Variants in AGBL4 observed in about 807,000 individuals in gnomAD.
The protein encoded by AGBL4 is cytosolic carboxypeptidase 6.
Under a neutral mutation model 66.4 loss-of-function variants are expected in AGBL4, and 58 were observed. That is an observed-to-expected ratio of 0.87 (90% CI 0.71 to 1.09). The LOEUF (loss-of-function observed/expected upper bound fraction) is 1.09. Among genes scored for constraint, AGBL4 ranks in the 50% least tolerant of loss-of-function variants. The pLI is 0.00. For missense variants in AGBL4, 579 were observed against 631.0 expected (o/e 0.92, Z 0.88); for synonymous variants, 234 against 222.9 (o/e 1.05, Z -0.44).
intron 6 of AGBL4, among the ~76,000 whole-genome samples, chr1:48,824,148 C>A (rs2148774165): frequency 6.6e-6 from 1 of 152,258 alleles, no homozygotes; most frequent in South Asian, 2.1e-4. Flanking sequence ...CTAATATATG[C>A]CACTGGGAAT....
intron 4 of AGBL4, among the ~76,000 whole-genome samples, chr1:49,196,175 T>G (rs1647245369): frequency 6.6e-6 from 1 of 152,322 alleles, no homozygotes; most frequent in East Asian, 1.9e-4. Context: ...TACAGTAAGT[T>G]TGGTCACTTT....
chr1:49,155,219 A>T (rs1436579445), intron 4 of AGBL4, among the ~76,000 whole-genome samples: 1 of 152,170 alleles, frequency 6.6e-6, no homozygotes, highest in Non-Finnish European at 1.5e-5. Flanking sequence ...TTACCTTTTT[A>T]CAGATTAAGG....
intron 3 of AGBL4, among the ~76,000 whole-genome samples, chr1:49,583,353 A>C (rs1644583083): frequency 6.6e-6 from 1 of 152,234 alleles, no homozygotes; most frequent in Non-Finnish European, 1.5e-5. Flanking sequence ...GTACATCTTC[A>C]TCTGGCTTTT....
intron 3 of AGBL4, among the ~76,000 whole-genome samples, chr1:49,330,837 G>C (rs1007335407): frequency 1.3e-5 from 2 of 152,122 alleles, no homozygotes; most frequent in African/African-American, 4.8e-5. Flanking sequence ...TTAAAGGGGC[G>C]AGTAAATTCA....
At chr1:49,899,865 A>C (rs1401677744) in intron 1 of AGBL4, among the ~76,000 whole-genome samples, 1 of 152,046 alleles carries the variant, frequency 6.6e-6, no homozygotes, top group South Asian at 2.1e-4. Context: ...ACATGGTGAA[A>C]CCCCATCTCT....
chr1:48,767,996 A>T (rs1359411763), intron 6 of AGBL4, among the ~76,000 whole-genome samples: 2 of 152,184 alleles, frequency 1.3e-5, no homozygotes, highest in African/African-American at 4.8e-5. Context: ...AATGCTACTG[A>T]AGCAGAAACT....
At chr1:49,771,762 C>A (rs1012695995) in intron 2 of AGBL4, among the ~76,000 whole-genome samples, 1 of 151,886 alleles carries the variant, frequency 6.6e-6, no homozygotes, top group African/African-American at 2.4e-5. Flanking sequence ...TCTCTCTTTA[C>A]AATTTTTGAT....
chr1:48,602,261 A>T (rs1191355699), intron 9 of AGBL4, among the ~76,000 whole-genome samples: 1 of 152,146 alleles, frequency 6.6e-6, no homozygotes, highest in African/African-American at 2.4e-5. Flanking sequence ...CTAAGCTGCT[A>T]CGTGACCCTG....
At chr1:49,611,482 T>A (rs2124233609) in intron 3 of AGBL4, among the ~76,000 whole-genome samples, 1 of 151,654 alleles carries the variant, frequency 6.6e-6, no homozygotes, top group African/African-American at 2.4e-5. Flanking sequence ...TTCAAGCCAT[T>A]CTCCTGCCTC....
intron 4 of AGBL4, among the ~76,000 whole-genome samples, chr1:49,222,463 T>C (rs189197563): frequency 1.3e-5 from 2 of 152,338 alleles, no homozygotes; most frequent in Admixed American, 1.3e-4. Flanking sequence ...GTTCTGCATA[T>C]AAAATTTACT....
chr1:49,272,983 C>T (rs993511164), intron 3 of AGBL4, among the ~76,000 whole-genome samples: 1 of 152,122 alleles, frequency 6.6e-6, no homozygotes. Context: ...ACTGTCTCTA[C>T]TAGATGTTTT....
In AGBL4 at chr1:49,697,376, G is replaced by A. The variant is rs1451081383; in HGVS notation, c.219C>T (p.Asp73=). Residue 73 remains aspartate, a synonymous_variant, in exon 3 of 14, where the codon GAC becomes GAT. Coordinates refer to ENST00000371839, the MANE Select transcript of AGBL4 (RefSeq NM_032785.4). ...AGACTCGGAAGCGTGGATTACAGGTGTCCGGCCTAATGAACAGATCATACT... is the reference window on the plus strand; with the variant it reads ...AGACTCGGAAGCGTGGATTACAGGTATCCGGCCTAATGAACAGATCATACT... ...EFEYDLFIRP[D]TCNPRFRVWF... The A allele has an allele frequency of 6.5e-7, 1 of 1,548,358 alleles. No individual in the cohort carries two copies. The highest frequency in any genetic ancestry group is 1.4e-5 in the African/African-American group (1 of 72,990).
intron 5 of AGBL4, among the ~76,000 whole-genome samples, chr1:49,030,259 T>C (rs1050400560): frequency 6.6e-6 from 1 of 152,104 alleles, no homozygotes; most frequent in Non-Finnish European, 1.5e-5. Context: ...TTAATGCTCT[T>C]ATGAAAACAC....
At chr1:49,147,568 A>G (rs899911238) in intron 4 of AGBL4, among the ~76,000 whole-genome samples, 2 of 152,136 alleles carry the variant, frequency 1.3e-5, no homozygotes, top group Admixed American at 6.6e-5. Flanking sequence ...GAATTTCCAC[A>G]TACCTCGTAA....
At chr1:49,523,954 C>G (rs1650459642) in intron 3 of AGBL4, among the ~76,000 whole-genome samples, 1 of 150,930 alleles carries the variant, frequency 6.6e-6, no homozygotes, top group South Asian at 2.1e-4. Flanking sequence ...TGAGCATTAT[C>G]ACCATCATCA....
chr1:48,569,960 C>T (rs1332369929), intron 11 of AGBL4, among the ~76,000 whole-genome samples: 1 of 152,204 alleles, frequency 6.6e-6, no homozygotes, highest in Non-Finnish European at 1.5e-5. Context: ...ATCTGGCCTG[C>T]CGCACTTGCC....
chr1:49,121,254 C>T (rs116766934), intron 4 of AGBL4, among the ~76,000 whole-genome samples: 4,913 of 152,188 alleles, frequency 0.032, 188 homozygotes, highest in African/African-American at 0.1. Flanking sequence ...CCATTGCCGG[C>T]GAGGAGCTGC....
chr1:49,732,242 CA>C (rs1316229748), intron 2 of AGBL4, among the ~76,000 whole-genome samples: 1 of 152,140 alleles, frequency 6.6e-6, no homozygotes, highest in Non-Finnish European at 1.5e-5. Flanking sequence ...CAGAGAGACC[CA>C]AGTTATTTCA....
At chr1:49,365,159 C>T (rs1200883237) in intron 3 of AGBL4, among the ~76,000 whole-genome samples, 1 of 152,092 alleles carries the variant, frequency 6.6e-6, no homozygotes, top group Non-Finnish European at 1.5e-5. Flanking sequence ...AATAAGCAAA[C>T]ACAAAGATTT....
Sources: gnomAD v4.1 joint callset for allele counts (sites outside exome capture counted in the v4.1 genomes callset) on GRCh38, gnomAD v4.1.1 for gene constraint, MANE v1.5 for transcripts, NCBI Gene and HGNC (gene_info 2026-07-23, HGNC 2026-07-21) for gene names.